Variants in MYPN observed in about 807,000 individuals in gnomAD.
MYPN encodes the protein sarcomeric protein myopalladin, 145 kDa (MYOP).
Under a neutral mutation model 129.4 loss-of-function variants are expected in MYPN, and 63 were observed. That is an observed-to-expected ratio of 0.49 (90% CI 0.40 to 0.60). MYPN has a LOEUF of 0.60. Ranked by LOEUF, MYPN falls within the 20% of genes least tolerant of loss-of-function variation. The probability of loss-of-function intolerance (pLI) is 0.00; values close to 1 mark genes in which losing one functional copy is unlikely to be tolerated. For synonymous variants in MYPN, 629 were observed against 600.9 expected, an observed-to-expected ratio of 1.05 and a Z score of -0.68; for missense variants, 1,596 against 1,635.4, an observed-to-expected ratio of 0.98 and a Z score of 0.42.
At chr10:68,206,271 G>C (rs1173117141) in intron 18 of MYPN, among the ~76,000 whole-genome samples, 2 of 152,132 alleles carry the variant, frequency 1.3e-5, no homozygotes, top group African/African-American at 4.8e-5. Context: ...GAAAAACTAT[G>C]GATGTGGAGA....
chr10:68,190,690 G>C (rs1360857238), intron 13 of MYPN, among the ~76,000 whole-genome samples: 1 of 152,116 alleles, frequency 6.6e-6, no homozygotes, highest in South Asian at 2.1e-4. Flanking sequence ...TTTACTTGCT[G>C]TAATCCAATT....
chr10:68,137,213 A>G (rs1360203947), intron 2 of MYPN, among the ~76,000 whole-genome samples: 1 of 152,202 alleles, frequency 6.6e-6, no homozygotes, highest in Non-Finnish European at 1.5e-5. Flanking sequence ...TTGTTCGCAT[A>G]TCTCTTTAAT....
chr10:68,136,994 A>G (rs1425374859), intron 2 of MYPN, among the ~76,000 whole-genome samples: 2 of 152,186 alleles, frequency 1.3e-5, no homozygotes, highest in East Asian at 3.8e-4. Context: ...CTTAAAAATC[A>G]GTGAGGCCCA....
At chr10:68,161,792 G>T in intron 8 of MYPN, 40 bp downstream of exon 8, 1 of 1,432,034 alleles carries the variant, frequency 7.0e-7, no homozygotes, top group South Asian at 1.2e-5. Context: ...GTATATGAGT[G>T]ATTTTATATA....
chr10:68,203,706 C>T (rs796837098), intron 18 of MYPN, among the ~76,000 whole-genome samples: 28 of 119,888 alleles, frequency 2.3e-4, no homozygotes, highest in East Asian at 7.2e-4. Context: ...CACACACACA[C>T]ACACATACAC....
At chr10:68,188,667 G>A (rs1176601403) in intron 12 of MYPN, among the ~76,000 whole-genome samples, 1 of 152,158 alleles carries the variant, frequency 6.6e-6, no homozygotes, top group Non-Finnish European at 1.5e-5. Flanking sequence ...TTCTCCTGGG[G>A]CTGCATGCTC....
chr10:68,209,440 T>A (rs1053719663), intron 19 of MYPN, among the ~76,000 whole-genome samples: 1 of 152,176 alleles, frequency 6.6e-6, no homozygotes. Flanking sequence ...AGGTAGGTAA[T>A]GACTGATTAG....
chr10:68,194,217 A>G, intron 13 of MYPN, 146 bp from the exon 14 acceptor site: 1 of 707,544 alleles, frequency 1.4e-6, no homozygotes, highest in Non-Finnish European at 2.4e-6. Flanking sequence ...GCCATTTTTA[A>G]TATGTTTTAT....
intron 1 of MYPN, among the ~76,000 whole-genome samples, chr10:68,120,449 C>T (rs750412574): frequency 1.3e-5 from 2 of 152,202 alleles, no homozygotes; most frequent in African/African-American, 2.4e-5. Context: ...CTCATTTCCC[C>T]TCTTAACCAA....
chr10:68,182,229 ATATATATAACATATATATAAC>A (rs751828452), intron 12 of MYPN, among the ~76,000 whole-genome samples: 29,077 of 128,964 alleles, frequency 0.23, 6,016 homozygotes, highest in East Asian at 0.54. Context: ...TATAACACAT[ATATATATAACATATATATAAC>A]ACACATATAT....
At chr10:68,164,417 A>C (rs1384746863) in intron 8 of MYPN, among the ~76,000 whole-genome samples, 2 of 152,210 alleles carry the variant, frequency 1.3e-5, no homozygotes, top group Non-Finnish European at 2.9e-5. Flanking sequence ...TCCACATCCC[A>C]GCACTGAAGC....
intron 3 of MYPN, 151 bp from the exon 4 acceptor site, chr10:68,145,324 T>C (rs2042644616): frequency 3.1e-6 from 2 of 654,244 alleles, no homozygotes; most frequent in Admixed American, 4.7e-5. Context: ...ACGCCCGGCG[T>C]TACTGAGTTC....
intron 2 of MYPN, among the ~76,000 whole-genome samples, chr10:68,132,262 C>T (rs12771550): frequency 6.6e-6 from 1 of 152,010 alleles, no homozygotes; most frequent in Non-Finnish European, 1.5e-5. Flanking sequence ...ATGTGTTTTT[C>T]CCCTTTACTC....
intron 18 of MYPN, 54 bp downstream of exon 18, chr10:68,202,048 G>T (rs71541553): frequency 4.4e-6 from 7 of 1,596,040 alleles, no homozygotes; most frequent in Non-Finnish European, 6.0e-6. Flanking sequence ...GGCTTGTTGC[G>T]CCACCCAAAT....
At position 68,125,921 on chromosome 10, in the gene MYPN, G is replaced by A. The variant is rs566604147; in HGVS notation, c.902+3581G>A. Among the ~76,000 whole-genome samples, 4 of 152,262 alleles carry A rather than the reference G, an allele frequency of 2.6e-5. No individual in the cohort carries two copies. The South Asian group carries it at 8.3e-4, about 32-fold the overall frequency. ...CTCACAATCTAATAGCTAGGAATCAGGCAGACAGCAAACAAATCAATCACT... is the reference window on the plus strand; with the variant it reads ...CTCACAATCTAATAGCTAGGAATCAAGCAGACAGCAAACAAATCAATCACT... On this transcript the variant is annotated intron_variant, in intron 2 of 19. Transcript: ENST00000358913.
chr10:68,190,762 G>T (rs2043497798), intron 13 of MYPN, among the ~76,000 whole-genome samples: 1 of 152,166 alleles, frequency 6.6e-6, no homozygotes, highest in Admixed American at 6.6e-5. Flanking sequence ...AATTTGGCTA[G>T]ACCAATATCC....
chr10:68,178,334 T>C (rs1354008435), intron 12 of MYPN, among the ~76,000 whole-genome samples: 2 of 152,194 alleles, frequency 1.3e-5, no homozygotes, highest in Admixed American at 1.3e-4. Context: ...TTTTGAAGAG[T>C]ACCATTCATC....
chr10:68,143,392 G>A (rs750663247), intron 3 of MYPN, among the ~76,000 whole-genome samples: 1 of 152,148 alleles, frequency 6.6e-6, no homozygotes, highest in African/African-American at 2.4e-5. Flanking sequence ...AAAAGAGATA[G>A]GAATGGTGTA....
At chr10:68,107,190 A>C (rs1186566001), upstream of MYPN, among the ~76,000 whole-genome samples, 2 of 152,206 alleles carry the variant, frequency 1.3e-5, no homozygotes. Context: ...GAGTGTTCAC[A>C]ATTACTAAAT....
Sources: allele counts gnomAD v4.1 joint callset (sites outside exome capture counted in the v4.1 genomes callset), GRCh38; gene constraint gnomAD v4.1.1; transcripts MANE v1.5; gene names NCBI Gene and HGNC (gene_info 2026-07-23, HGNC 2026-07-21).